The following JPH3 variants were observed in gnomAD, a reference collection of about 807,000 sequenced individuals.
JPH3 encodes the protein junctophilin-3.
A neutral mutation model predicts 59.6 loss-of-function variants in JPH3; 11 were observed. The observed-to-expected ratio is 0.18, with a 90% CI of 0.12 to 0.31. JPH3 has a LOEUF of 0.31. Ranked by LOEUF, JPH3 falls within the 10% of genes least tolerant of loss-of-function variation. The pLI, the probability that JPH3 is intolerant of heterozygous loss-of-function variation, is 1.00. For synonymous variants in JPH3, 673 were observed against 483.6 expected, an observed-to-expected ratio of 1.39 and a Z score of -5.14; for missense variants, 1,202 against 1,105.7, an observed-to-expected ratio of 1.09 and a Z score of -1.24.
chr16:87,677,316 G>A (rs2033177471), intron 2 of JPH3, among the ~76,000 whole-genome samples: 1 of 151,922 alleles, frequency 6.6e-6, no homozygotes. Context: ...CTGGGAGGCA[G>A]AGTTTGCAGT....
Position 87,614,807 on chromosome 16 carries a change from G to A in JPH3, c.382+11279G>A, listed in dbSNP as rs554105381. Among the ~76,000 whole-genome samples the A allele has an allele frequency of 7.2e-4, 105 of 146,364 alleles. 3 individuals carry two copies. The highest frequency in any genetic ancestry group is 1.1e-3 in the Non-Finnish European group (76 of 66,734). On this transcript the variant is annotated intron_variant, in intron 1 of 4. Coordinates refer to ENST00000284262, the MANE Select transcript of JPH3 (RefSeq NM_020655.4). ...CCGCGTGTCCTCTCCCAGGATAAAC[G>A]CTGGTCCCTGCACACGTGAGGAGCT...
intron 1 of JPH3, among the ~76,000 whole-genome samples, chr16:87,607,303 C>T (rs969646219): frequency 6.6e-6 from 1 of 152,160 alleles, no homozygotes; most frequent in African/African-American, 2.4e-5. Context: ...TCCAATAAGC[C>T]CTCCTACACC....
chr16:87,606,939 T>C (rs2030542696), intron 1 of JPH3, among the ~76,000 whole-genome samples: 1 of 152,180 alleles, frequency 6.6e-6, no homozygotes, highest in Admixed American at 6.5e-5. Flanking sequence ...ATTCTCATTT[T>C]CCACACTGGG....
intron 1 of JPH3, among the ~76,000 whole-genome samples, chr16:87,638,066 C>T (rs1335185053): frequency 2.0e-5 from 3 of 152,072 alleles, no homozygotes; most frequent in Non-Finnish European, 4.4e-5. Flanking sequence ...ACTACAGGTG[C>T]CCGCCACCAT....
intron 1 of JPH3, among the ~76,000 whole-genome samples, chr16:87,629,481 AGTCG>A (rs138211645): frequency 0.014 from 2,152 of 151,918 alleles, 69 homozygotes; most frequent in East Asian, 0.13. Flanking sequence ...AATTGCCCAA[AGTCG>A]GAAGCAGCGA....
At chr16:87,649,616 C>G (rs1252520608) in intron 2 of JPH3, among the ~76,000 whole-genome samples, 2 of 152,202 alleles carry the variant, frequency 1.3e-5, no homozygotes, top group Admixed American at 6.5e-5. Context: ...CCCTCTGCCA[C>G]AACAACTCTC....
At chr16:87,616,221 TG>T (rs1220105996) in intron 1 of JPH3, among the ~76,000 whole-genome samples, 13 of 145,942 alleles carry the variant, frequency 8.9e-5, no homozygotes, top group Admixed American at 1.4e-4. Context: ...TGTGTGTGTG[TG>T]TGTGTGTGTG....
At chr16:87,639,092 G>T (rs1291762527) in intron 1 of JPH3, among the ~76,000 whole-genome samples, 1 of 152,126 alleles carries the variant, frequency 6.6e-6, no homozygotes, top group African/African-American at 2.4e-5. Flanking sequence ...AGCCTCAGTT[G>T]CCTCACCTGG....
At chr16:87,606,661 GATTA>G (rs1410888191) in intron 1 of JPH3, among the ~76,000 whole-genome samples, 1 of 152,166 alleles carries the variant, frequency 6.6e-6, no homozygotes, top group African/African-American at 2.4e-5. Context: ...GGTGGGTGAG[GATTA>G]ATTGAGAATG....
intron 2 of JPH3, among the ~76,000 whole-genome samples, chr16:87,669,326 G>C (rs991990295): frequency 6.6e-6 from 1 of 152,214 alleles, no homozygotes. Context: ...GGATGTCTGG[G>C]CTCCTCCATG....
chr16:87,664,658 C>A (rs531686112), intron 2 of JPH3, among the ~76,000 whole-genome samples: 1 of 152,282 alleles, frequency 6.6e-6, no homozygotes, highest in African/African-American at 2.4e-5. Flanking sequence ...GTCTCCTCGG[C>A]GAGTGGAGGC....
intron 4 of JPH3, chr16:87,693,712 G>A (rs1406847007): frequency 2.0e-5 from 3 of 152,378 alleles, no homozygotes; most frequent in Non-Finnish European, 4.4e-5. Flanking sequence ...AGGGCCTGAG[G>A]GCTCCAATCC....
rs544966835 is a variant in JPH3, at chr16:87,684,592, G to A, written c.1285+326G>A. ...GCTGTCTGCTGCCCGCCCTCCCCCA[G>A]TGTTGTTCTAGAACCTTCTGGGATG... is the stretch of plus-strand genomic sequence containing the variant. On this transcript the variant is annotated intron_variant, in intron 3 of 4. Coordinates refer to ENST00000284262, the MANE Select transcript of JPH3 (RefSeq NM_020655.4). 40 of 340,750 alleles carry A rather than the reference G, an allele frequency of 1.2e-4. No individual in the cohort carries two copies. The Admixed American group carries it at 1.3e-3, about 11-fold the overall frequency. 21.1% of individuals were successfully genotyped at this position (340,750 alleles called of 1,614,324 possible). A position where few individuals can be genotyped will look rare whatever the true frequency, so the allele number is the denominator to read the frequency against.
At chr16:87,627,555 G>T (rs1213985740) in intron 1 of JPH3, among the ~76,000 whole-genome samples, 1 of 152,236 alleles carries the variant, frequency 6.6e-6, no homozygotes, top group Non-Finnish European at 1.5e-5. Flanking sequence ...TTGTTTTACA[G>T]GCAGGGACAG....
intron 2 of JPH3, chr16:87,654,952 C>T (rs1244959238): frequency 6.6e-6 from 1 of 152,236 alleles, no homozygotes; most frequent in Non-Finnish European, 1.5e-5. Flanking sequence ...GAGTGCGGCT[C>T]CGGGAAAACG....
chr16:87,692,099 G>A (rs866004090), intron 4 of JPH3, among the ~76,000 whole-genome samples: 4 of 151,684 alleles, frequency 2.6e-5, no homozygotes, highest in Non-Finnish European at 4.4e-5. Flanking sequence ...TGGAGGTCCC[G>A]TCAGCTGCAG....
chr16:87,644,291 G>A lies in JPH3; in HGVS notation c.416G>A (p.Arg139His), dbSNP rs1567595736. ...CAGGGCCAGTGGGTCGGTGGCATGC[G>A]CCAGGGCTACGGCGTCCGGCAGAGC... The part of the protein sequence containing the change: ...TYQGQWVGGM[R>H]QGYGVRQSVP... Residue 139 changes from arginine to histidine, a missense_variant, in exon 2 of 5, where the codon CGC becomes CAC. By Grantham distance (29) the Arg-to-His change is conservative. Transcript: ENST00000284262. The A allele has an allele frequency of 1.2e-6, 2 of 1,611,688 alleles. No individual in the cohort carries two copies. The highest frequency in any genetic ancestry group is 1.7e-6 in the Non-Finnish European group (2 of 1,179,328).
intron 2 of JPH3, among the ~76,000 whole-genome samples, chr16:87,659,260 C>G (rs1442531151): frequency 6.6e-6 from 1 of 151,454 alleles, no homozygotes; most frequent in African/African-American, 2.4e-5. Flanking sequence ...ACCTGTAATC[C>G]CAGCTACTCA....
chr16:87,668,874 G>A (rs1369712108), intron 2 of JPH3, among the ~76,000 whole-genome samples: 1 of 152,094 alleles, frequency 6.6e-6, no homozygotes, highest in African/African-American at 2.4e-5. Context: ...CCTACCCCCA[G>A]CTCCCACCCC....
Sources: allele counts gnomAD v4.1 joint callset (sites outside exome capture counted in the v4.1 genomes callset), GRCh38; gene constraint gnomAD v4.1.1; transcripts MANE v1.5; gene names NCBI Gene and HGNC (gene_info 2026-07-23, HGNC 2026-07-21).